HTR1E: variants seen among roughly 807,000 people sequenced by gnomAD.
The protein encoded by HTR1E is 5-HT-1E.
In HTR1E, 3 loss-of-function variants were observed where a neutral mutation model predicts 3.4. The observed-to-expected ratio is 0.89, with a 90% CI of 0.41 to 2.31. HTR1E has a LOEUF of 2.31. Among genes scored for constraint, HTR1E ranks in the 30% most tolerant of loss-of-function variants. HTR1E has a pLI of 0.05. For synonymous variants in HTR1E, 170 were observed against 182.8 expected, an observed-to-expected ratio of 0.93 and a Z score of 0.56; for missense variants, 392 against 467.0, an observed-to-expected ratio of 0.84 and a Z score of 1.48.
At chr6:86,948,303 T>C (rs1434509392) in intron 1 of HTR1E, among the ~76,000 whole-genome samples, 2 of 152,250 alleles carry the variant, frequency 1.3e-5, no homozygotes, top group African/African-American at 4.8e-5. Flanking sequence ...AAGTATATAA[T>C]ATTGTTGTAT....
At chr6:86,945,824 G>A (rs151059897) in intron 1 of HTR1E, among the ~76,000 whole-genome samples, 1 of 151,768 alleles carries the variant, frequency 6.6e-6, no homozygotes, top group African/African-American at 2.4e-5. Context: ...TGCAACGTCC[G>A]CCTCCCCAGT....
At chr6:86,988,561 T>G (rs1049304123) in intron 1 of HTR1E, among the ~76,000 whole-genome samples, 4 of 152,162 alleles carry the variant, frequency 2.6e-5, no homozygotes, top group Non-Finnish European at 4.4e-5. Context: ...AAACTTACCT[T>G]AGAAAACCTA....
At chr6:87,010,675 G>A (rs1177054567) in intron 1 of HTR1E, among the ~76,000 whole-genome samples, 4 of 147,990 alleles carry the variant, frequency 2.7e-5, no homozygotes, top group African/African-American at 5.0e-5. Flanking sequence ...TGGGCAGCCA[G>A]GCAGAGGGGC....
At chr6:86,992,916 A>G (rs1767890870) in intron 1 of HTR1E, among the ~76,000 whole-genome samples, 1 of 152,194 alleles carries the variant, frequency 6.6e-6, no homozygotes, top group South Asian at 2.1e-4. Context: ...TCACCATTCA[A>G]TGCAAGTCAG....
chr6:86,992,186 C>T (rs554972506), intron 1 of HTR1E, among the ~76,000 whole-genome samples: 2 of 152,042 alleles, frequency 1.3e-5, no homozygotes, highest in Non-Finnish European at 1.5e-5. Flanking sequence ...ATAATCCCTT[C>T]GAAATGACTT....
At chr6:86,960,562 T>G (rs947099039) in intron 1 of HTR1E, among the ~76,000 whole-genome samples, 1 of 152,180 alleles carries the variant, frequency 6.6e-6, no homozygotes, top group African/African-American at 2.4e-5. Flanking sequence ...TGTTCTGTTA[T>G]CCCGGTTGTT....
In HTR1E at chr6:87,015,353, A is replaced by C. The variant is rs753491714; in HGVS notation, c.19A>C (p.Thr7Pro). The stretch of plus-strand genomic sequence containing the variant: ...GGGAAACATGAACATCACAAACTGT[A>C]CCACAGAGGCCAGCATGGCTATAAG... MNITNC[T>P]TEASMAIRPK... The change falls in exon 2 of 2, where the codon ACC becomes CCC. Residue 7 changes from threonine to proline, a missense_variant. By Grantham distance (38) the Thr-to-Pro change is conservative. Coordinates refer to ENST00000305344, the MANE Select transcript of HTR1E (RefSeq NM_000865.3). 3 of 1,572,764 alleles carry C rather than the reference A, an allele frequency of 1.9e-6. No homozygotes were observed.
intron 1 of HTR1E, among the ~76,000 whole-genome samples, chr6:87,004,092 G>A (rs973542512): frequency 6.6e-6 from 1 of 152,118 alleles, no homozygotes; most frequent in East Asian, 1.9e-4. Context: ...CTAATAACAA[G>A]TAATGAGATA....
intron 1 of HTR1E, among the ~76,000 whole-genome samples, chr6:86,976,022 G>A (rs527518331): frequency 1.7e-4 from 26 of 151,178 alleles, no homozygotes; most frequent in Non-Finnish European, 8.8e-5. Context: ...GATCAAAATC[G>A]GCAAAGGATA....
At chr6:86,968,508 A>C (rs1282623253) in intron 1 of HTR1E, among the ~76,000 whole-genome samples, 4 of 152,222 alleles carry the variant, frequency 2.6e-5, no homozygotes, top group South Asian at 4.1e-4. Context: ...TCATAATCTG[A>C]TGAGTGAATA....
chr6:87,012,718 C>A (rs1283310646), intron 1 of HTR1E, among the ~76,000 whole-genome samples: 1 of 152,198 alleles, frequency 6.6e-6, no homozygotes, highest in Admixed American at 6.5e-5. Flanking sequence ...ATAGTACTTA[C>A]TATGTATTAG....
intron 1 of HTR1E, among the ~76,000 whole-genome samples, chr6:86,956,715 A>T (rs1767330414): frequency 6.6e-6 from 1 of 152,078 alleles, no homozygotes; most frequent in Non-Finnish European, 1.5e-5. Context: ...TAAACTTCTA[A>T]ATTGATTGAG....
intron 1 of HTR1E, among the ~76,000 whole-genome samples, chr6:86,950,554 GAAT>G (rs1170157546): frequency 3.3e-5 from 5 of 152,150 alleles, no homozygotes; most frequent in Admixed American, 6.6e-5. Flanking sequence ...TCTGTGATAA[GAAT>G]AATATCATGT....
intron 1 of HTR1E, among the ~76,000 whole-genome samples, chr6:86,954,974 C>A (rs1291507704): frequency 2.0e-5 from 3 of 152,148 alleles, no homozygotes; most frequent in Non-Finnish European, 4.4e-5. Flanking sequence ...ACCCATTGTA[C>A]CCCAGAGCAA....
chr6:86,955,469 C>T (rs775551313), intron 1 of HTR1E, among the ~76,000 whole-genome samples: 14 of 152,126 alleles, frequency 9.2e-5, no homozygotes. Context: ...GATGTAAAAT[C>T]CCACCTTGGA....
chr6:86,975,278 T>C (rs1049401666), intron 1 of HTR1E, among the ~76,000 whole-genome samples: 1 of 152,210 alleles, frequency 6.6e-6, no homozygotes, highest in Non-Finnish European at 1.5e-5. Context: ...CTATTTCCAA[T>C]AGTGAAAAAC....
intron 1 of HTR1E, among the ~76,000 whole-genome samples, chr6:86,994,093 C>T (rs561233649): frequency 5.3e-5 from 8 of 152,060 alleles, no homozygotes; most frequent in African/African-American, 1.7e-4. Flanking sequence ...AATCTAATGA[C>T]AGAAATAAAA....
chr6:87,014,865 G>T (rs61422144), intron 1 of HTR1E, among the ~76,000 whole-genome samples: 3,392 of 152,064 alleles, frequency 0.022, 114 homozygotes, highest in African/African-American at 0.077. Flanking sequence ...ATGATTGGTT[G>T]TTGGGTGCAG....
At chr6:86,953,260 C>T (rs1767271040) in intron 1 of HTR1E, among the ~76,000 whole-genome samples, 2 of 152,138 alleles carry the variant, frequency 1.3e-5, no homozygotes, top group South Asian at 4.1e-4. Flanking sequence ...TACATTAATT[C>T]ATAACAAATG....
Sources: gnomAD v4.1 joint callset for allele counts (sites outside exome capture counted in the v4.1 genomes callset) on GRCh38, gnomAD v4.1.1 for gene constraint, MANE v1.5 for transcripts, NCBI Gene and HGNC (gene_info 2026-07-23, HGNC 2026-07-21) for gene names.